Variants in CHIC2 observed in about 807,000 individuals in gnomAD.
CHIC2 encodes cysteine rich hydrophobic domain 2, also known as cysteine-rich hydrophobic domain-containing protein 2.
CHIC2 carries 14 observed loss-of-function variants against 25.9 expected under a neutral mutation model. The ratio of observed to expected loss-of-function variants is 0.54; its 90% CI spans 0.36 to 0.85. The LOEUF (loss-of-function observed/expected upper bound fraction) is 0.85, where lower values mean the gene tolerates loss of function less well. CHIC2 is among the 40% of genes least tolerant of loss of function. The pLI is 0.01. For synonymous variants in CHIC2, 70 were observed against 72.0 expected (o/e 0.97, Z 0.14); for missense variants, 146 against 202.0 (o/e 0.72, Z 1.68).
chr4:54,083,744 C>G, the CHIC2 span, among the ~76,000 whole-genome samples: 1 of 152,184 alleles, frequency 6.6e-6, no homozygotes, highest in Non-Finnish European at 1.5e-5. Context: ...CTAACTGTCT[C>G]TGGTTTCTCT....
At chr4:54,087,271 C>T in the CHIC2 span, 1 of 596,436 alleles carries the variant, frequency 1.7e-6, no homozygotes, top group Admixed American at 2.8e-5. Flanking sequence ...CATTTAAGAA[C>T]AGAATGGAAG....
intron 3 of CHIC2, among the ~76,000 whole-genome samples, chr4:54,040,764 G>A (rs1468141641): frequency 6.8e-6 from 1 of 146,680 alleles, no homozygotes; most frequent in Non-Finnish European, 1.5e-5. Flanking sequence ...TGTAATCCCA[G>A]CTACTCAGGA....
At chr4:54,077,218 A>G in the CHIC2 span, among the ~76,000 whole-genome samples, 1 of 152,224 alleles carries the variant, frequency 6.6e-6, no homozygotes, top group South Asian at 2.1e-4. Context: ...TAATCAGCCA[A>G]CTATAAATTC....
chr4:54,071,516 G>A, the CHIC2 span, among the ~76,000 whole-genome samples: 1 of 152,226 alleles, frequency 6.6e-6, no homozygotes, highest in Non-Finnish European at 1.5e-5. Flanking sequence ...ACACAACTAG[G>A]AAGTGGTAGA....
At chr4:54,024,849 C>T (rs1049322015) in intron 3 of CHIC2, among the ~76,000 whole-genome samples, 55 of 152,140 alleles carry the variant, frequency 3.6e-4, no homozygotes, top group African/African-American at 1.3e-3. Context: ...TCAATTCATA[C>T]AAAACTGTAT....
the CHIC2 span, among the ~76,000 whole-genome samples, chr4:54,082,937 G>A: frequency 6.7e-6 from 1 of 149,696 alleles, no homozygotes; most frequent in Non-Finnish European, 1.5e-5. Flanking sequence ...TCATCATATT[G>A]CTTCAAATAT....
intron 1 of CHIC2, among the ~76,000 whole-genome samples, chr4:54,052,069 T>C (rs974827513): frequency 2.6e-5 from 4 of 152,204 alleles, no homozygotes; most frequent in African/African-American, 9.6e-5. Context: ...ATTTCTTATT[T>C]GGCACAGGCC....
chr4:54,046,551 G>T (rs1216587086), intron 3 of CHIC2, among the ~76,000 whole-genome samples: 3 of 152,176 alleles, frequency 2.0e-5, no homozygotes, highest in Admixed American at 6.5e-5. Context: ...AATGGGGAAA[G>T]GATTCCCTAT....
intron 3 of CHIC2, among the ~76,000 whole-genome samples, chr4:54,018,515 T>C (rs1715808362): frequency 6.6e-6 from 1 of 152,116 alleles, no homozygotes. Context: ...AGTTTCCTAA[T>C]TCCCAATGAC....
intron 3 of CHIC2, among the ~76,000 whole-genome samples, chr4:54,023,851 T>C (rs1236810918): frequency 6.6e-6 from 1 of 152,222 alleles, no homozygotes; most frequent in East Asian, 1.9e-4. Flanking sequence ...CGTGCTGTTA[T>C]ATGGGCTGAA....
chr4:54,073,842 T>C, the CHIC2 span, among the ~76,000 whole-genome samples: 3 of 152,206 alleles, frequency 2.0e-5, no homozygotes, highest in South Asian at 6.2e-4. Flanking sequence ...GAAAAATAGA[T>C]CAAACTATTA....
At chr4:54,077,736 C>G in the CHIC2 span, among the ~76,000 whole-genome samples, 1 of 152,218 alleles carries the variant, frequency 6.6e-6, no homozygotes. Context: ...AGATCCCACT[C>G]TGCCAGTGGT....
intron 3 of CHIC2, among the ~76,000 whole-genome samples, chr4:54,028,692 TTA>T (rs1194556544): frequency 6.6e-6 from 1 of 152,260 alleles, no homozygotes; most frequent in Non-Finnish European, 1.5e-5. Context: ...TTGTAGTCTA[TTA>T]TTTCATTGCA....
intron 3 of CHIC2, among the ~76,000 whole-genome samples, chr4:54,021,574 C>T (rs1715899995): frequency 1.3e-5 from 2 of 152,114 alleles, no homozygotes; most frequent in African/African-American, 4.8e-5. Flanking sequence ...GCGACTAGCC[C>T]TCCCCCACCT....
chr4:54,034,915 A>G (rs1043823437), intron 3 of CHIC2, among the ~76,000 whole-genome samples: 5 of 152,174 alleles, frequency 3.3e-5, no homozygotes, highest in African/African-American at 1.2e-4. Flanking sequence ...GTTTTATTCT[A>G]TTAGGCTGTG....
chr4:54,086,777 T>C, the CHIC2 span: 14 of 280,178 alleles, frequency 5.0e-5, no homozygotes, highest in Non-Finnish European at 8.0e-5. Flanking sequence ...CTGATCCTGA[T>C]TGTAGAAACC....
chr4:54,013,797 C>G (rs769674813), intron 5 of CHIC2, 40 bp downstream of exon 5: 5 of 1,579,026 alleles, frequency 3.2e-6, no homozygotes, highest in Admixed American at 3.4e-5. Context: ...AATAAATGAT[C>G]ATTTAATAGA....
intron 3 of CHIC2, among the ~76,000 whole-genome samples, chr4:54,043,819 T>C (rs1157682812): frequency 2.6e-5 from 4 of 152,190 alleles, no homozygotes; most frequent in Non-Finnish European, 5.9e-5. Context: ...ACCTTAAATG[T>C]AAATGGGCTA....
In CHIC2 at chr4:54,052,068, T is replaced by A. The variant is rs371540790; in HGVS notation, c.120-2763A>T. ...GAGCTTGAATGTCAGAATTTCTTAT[T>A]TGGCACAGGCCACAGCAAATATCTC... On this transcript the variant is annotated intron_variant, in intron 1 of 5. Transcript: ENST00000263921. Among the ~76,000 whole-genome samples the A allele has an allele frequency of 2.3e-4, 35 of 152,296 alleles. No individual in the cohort carries two copies. The South Asian group carries it at 6.8e-3, about 30-fold the overall frequency.
Sources: allele counts gnomAD v4.1 joint callset (sites outside exome capture counted in the v4.1 genomes callset), GRCh38; gene constraint gnomAD v4.1.1; transcripts MANE v1.5; gene names NCBI Gene and HGNC (gene_info 2026-07-23, HGNC 2026-07-21).